SPTBN1: variants seen among roughly 807,000 people sequenced by gnomAD.
SPTBN1 encodes spectrin beta chain, non-erythrocytic 1.
A neutral mutation model predicts 266.4 loss-of-function variants in SPTBN1; 32 were observed. The observed-to-expected ratio is 0.12, with a 90% confidence interval of 0.09 to 0.16. The LOEUF (loss-of-function observed/expected upper bound fraction) is 0.16. Among genes scored for constraint, SPTBN1 ranks in the 10% least tolerant of loss-of-function variants. SPTBN1 has a pLI of 1.00. For synonymous variants in SPTBN1, 1,336 were observed against 1,162.2 expected, an observed-to-expected ratio of 1.15 and a Z score of -3.04; for missense variants, 2,296 against 3,067.1, an observed-to-expected ratio of 0.75 and a Z score of 5.94.
chr2:54,623,099 A>C (rs141981066), intron 9 of SPTBN1, among the ~76,000 whole-genome samples: 2 of 152,186 alleles, frequency 1.3e-5, no homozygotes, highest in African/African-American at 4.8e-5. Context: ...TCAGTTGCAT[A>C]TATCTTGGTA....
intron 17 of SPTBN1, among the ~76,000 whole-genome samples, chr2:54,634,181 A>G (rs910151062): frequency 6.6e-5 from 10 of 152,032 alleles, no homozygotes; most frequent in Non-Finnish European, 1.5e-5. Context: ...GCTGTTAGGG[A>G]TGTGTGCATT....
intron 28 of SPTBN1, 53 bp downstream of exon 28, chr2:54,655,261 CTT>C (rs1680574010): frequency 6.3e-7 from 1 of 1,599,742 alleles, no homozygotes; most frequent in Non-Finnish European, 8.5e-7. Context: ...TGTAAAATGA[CTT>C]TGTTTTATAT....
Position 54,629,701 on chromosome 2 carries a change from G to C in SPTBN1, c.2567G>C (p.Ser856Thr), listed in dbSNP as rs1316301725. ...ACTCTGGCCCTGTACAAGATGTTCA[G>C]CGAGGCTGATGCCTGTGAGCTCTGG... ...QDTLALYKMF[S>T]EADACELWID... The change falls in exon 14 of 36, where the codon AGC (serine) becomes ACC (threonine). Residue 856 changes from serine (S) to threonine (T), a missense_variant. Physicochemically the swap from Ser to Thr is moderately conservative, Grantham distance 58. Coordinates refer to ENST00000356805, the MANE Select transcript of SPTBN1 (RefSeq NM_003128.3). The C allele has an allele frequency of 1.9e-6, 3 of 1,613,640 alleles. No homozygotes were observed. Among genetic ancestry groups the C allele is most frequent in the African/African-American group, 1.3e-5 (1 of 75,066 alleles).
chr2:54,475,199 TCCG>T (rs1191910461), intron 1 of SPTBN1, among the ~76,000 whole-genome samples: 1 of 151,908 alleles, frequency 6.6e-6, no homozygotes, highest in Non-Finnish European at 1.5e-5. Flanking sequence ...AGAGCGAAAC[TCCG>T]TCTCAAAAAA....
chr2:54,505,267 A>G (rs1271616661), intron 1 of SPTBN1, among the ~76,000 whole-genome samples: 1 of 152,196 alleles, frequency 6.6e-6, no homozygotes, highest in East Asian at 1.9e-4. Flanking sequence ...CTTGGAATGC[A>G]TGCATCCCGG....
intron 17 of SPTBN1, among the ~76,000 whole-genome samples, chr2:54,633,150 C>T (rs376730462): frequency 1.2e-4 from 19 of 152,196 alleles, no homozygotes; most frequent in African/African-American, 4.1e-4. Context: ...AGCCCGTGTT[C>T]CCCTTCATCC....
intron 17 of SPTBN1, among the ~76,000 whole-genome samples, chr2:54,637,378 C>T (rs1679220621): frequency 6.6e-6 from 1 of 152,158 alleles, no homozygotes; most frequent in Admixed American, 6.5e-5. Context: ...GTTTCCACTT[C>T]TCCCCCGGTG....
At position 54,628,112 on chromosome 2, in the gene SPTBN1, C is replaced by G; in HGVS notation, c.1660C>G (p.Gln554Glu). 1.2e-6 allele frequency: 2 copies of G among 1,613,030 alleles called. No individual in the cohort carries two copies. Among genetic ancestry groups the G allele is most frequent in the Non-Finnish European group, 1.7e-6 (2 of 1,179,452 alleles). Residue 554 changes from glutamine (Q) to glutamate (E), a missense_variant, in exon 13 of 36, where the codon CAA becomes GAA. By Grantham distance (29) the Gln-to-Glu change is conservative (BLOSUM62 2). Transcript: ENST00000356805. This position sits in a 1 kb window ranked among gnomAD's most constrained non-coding sequence, Gnocchi z 4.3. ...TTGTGCACAGGTGCTAGTATTGTCT[C>G]AAGACTATGGCAAACACTTACTTGG... ...MDEMKVLVLS[Q>E]DYGKHLLGVE...
intron 3 of SPTBN1, among the ~76,000 whole-genome samples, chr2:54,599,923 A>C (rs895153452): frequency 6.6e-6 from 1 of 152,160 alleles, no homozygotes; most frequent in African/African-American, 2.4e-5. Context: ...ACTGTGACTG[A>C]TCCAACAGGT....
chr2:54,655,286 CAG>C, intron 28 of SPTBN1, 78 bp downstream of exon 28: 2 of 1,549,856 alleles, frequency 1.3e-6, no homozygotes, highest in South Asian at 2.4e-5. Context: ...TTGTGTGTGT[CAG>C]AGATACTGTG....
intron 28 of SPTBN1, 112 bp downstream of exon 28, chr2:54,655,320 A>C: frequency 7.3e-7 from 1 of 1,365,444 alleles, no homozygotes. Flanking sequence ...ATACACACAC[A>C]CATATGTTTT....
chr2:54,582,157 C>T (rs942545250), intron 2 of SPTBN1, among the ~76,000 whole-genome samples: 9 of 152,196 alleles, frequency 5.9e-5, no homozygotes, highest in African/African-American at 2.2e-4. Context: ...TCACTTTGCT[C>T]AAATACATTA....
At chr2:54,472,476 T>C (rs575276806) in intron 1 of SPTBN1, among the ~76,000 whole-genome samples, 1 of 152,384 alleles carries the variant, frequency 6.6e-6, no homozygotes, top group East Asian at 1.9e-4. Context: ...GATTCACTTT[T>C]AGACTTCTTA....
intron 1 of SPTBN1, among the ~76,000 whole-genome samples, chr2:54,479,993 T>C (rs1022641733): frequency 2.0e-5 from 3 of 152,196 alleles, no homozygotes; most frequent in African/African-American, 7.2e-5. Context: ...TATTTACTAA[T>C]GGCTTATTCC....
intron 2 of SPTBN1, among the ~76,000 whole-genome samples, chr2:54,587,156 A>G (rs1675348792): frequency 6.6e-6 from 1 of 152,170 alleles, no homozygotes; most frequent in Non-Finnish European, 1.5e-5. Context: ...TTCTCTCTCA[A>G]TACCTCTGCT....
chr2:54,572,864 G>T (rs748244966), intron 2 of SPTBN1, among the ~76,000 whole-genome samples: 9 of 152,180 alleles, frequency 5.9e-5, no homozygotes, highest in Non-Finnish European at 1.3e-4. Flanking sequence ...ATGGGTTTTT[G>T]GAAAGGGAGA....
intron 14 of SPTBN1, 24 bp from the exon 15 acceptor site, chr2:54,629,868 C>G (rs1239474761): frequency 6.2e-7 from 1 of 1,613,836 alleles, no homozygotes; most frequent in Non-Finnish European, 8.5e-7. Flanking sequence ...AGGAGGTGAC[C>G]ACCCTGTCAA....
chr2:54,599,367 G>A (rs1676321079), intron 3 of SPTBN1, 124 bp downstream of exon 3: 1 of 1,182,060 alleles, frequency 8.5e-7, no homozygotes, highest in African/African-American at 1.5e-5. Context: ...AGAATCTTGA[G>A]AAGTGAGTTG....
intron 30 of SPTBN1, 149 bp downstream of exon 30, chr2:54,658,195 C>A: frequency 1.0e-6 from 1 of 957,084 alleles, no homozygotes; most frequent in Non-Finnish European, 1.5e-6. Context: ...ATGGGTGGCT[C>A]CTGTGGAGCA....
Sources: gnomAD v4.1 joint callset for allele counts (sites outside exome capture counted in the v4.1 genomes callset) on GRCh38, gnomAD v4.1.1 for gene constraint, Gnocchi (gnomAD v3.1) non-coding constraint, MANE v1.5 for transcripts, NCBI Gene and HGNC (gene_info 2026-07-23, HGNC 2026-07-21) for gene names.